The following CTBP2 variants were observed in gnomAD, a reference collection of about 807,000 sequenced individuals.
CTBP2 encodes C-terminal binding protein 2, also known as C-terminal-binding protein 2.
CTBP2 carries 30 observed loss-of-function variants against 80.3 expected under a neutral mutation model. The ratio of observed to expected loss-of-function variants is 0.37; its 90% CI spans 0.28 to 0.51. CTBP2 has a LOEUF of 0.51. CTBP2 is among the 20% of genes least tolerant of loss of function. CTBP2 has a pLI of 0.93. For missense variants in CTBP2, 1,212 were observed against 1,375.3 expected (o/e 0.88, Z 1.88); for synonymous variants, 594 against 587.4 (o/e 1.01, Z -0.16).
intron 2 of CTBP2, among the ~76,000 whole-genome samples, chr10:125,101,231 C>A (rs1442732760): frequency 6.6e-6 from 1 of 152,228 alleles, no homozygotes; most frequent in Non-Finnish European, 1.5e-5. Flanking sequence ...TGTGAAGTGG[C>A]CGTGTTCCCG....
At chr10:125,091,827 T>A (rs1291000974) in intron 2 of CTBP2, among the ~76,000 whole-genome samples, 2 of 150,180 alleles carry the variant, frequency 1.3e-5, no homozygotes. Flanking sequence ...GGAGGAGGAG[T>A]GGGTATGGAA....
chr10:125,027,534 A>G lies in CTBP2; in HGVS notation c.226T>C (p.Tyr76His). 1 of 1,614,076 alleles carries G rather than the reference A, an allele frequency of 6.2e-7. No individual in the cohort carries two copies. The highest frequency in any genetic ancestry group is 2.2e-5 in the East Asian group (1 of 44,862). Residue 76 changes from tyrosine to histidine, a missense_variant, in exon 1 of 9, where the codon TAT (tyrosine) becomes CAT (histidine). By Grantham distance (83) the Tyr-to-His change is moderately conservative. Around this residue, in one of 3 missense-constraint regions of CTBP2, gnomAD observed 848 missense variants for 782.3 expected, o/e 1.08. Coordinates refer to ENST00000309035, the MANE Select transcript of CTBP2 (RefSeq NM_022802.3). ...CCCTTTCTTGCAGCCACTGAGTTAT[A>G]AACGGCCTCCCGGTACAGGTAGGGC...
At chr10:125,054,794 A>C (rs1427573046) in intron 2 of CTBP2, among the ~76,000 whole-genome samples, 2 of 152,216 alleles carry the variant, frequency 1.3e-5, no homozygotes, top group Admixed American at 6.5e-5. Context: ...ACTAACAAAA[A>C]ACAAGCGAAA....
rs1381744375 is a variant in CTBP2 at position 125,146,411 on chromosome 10, G to T, written c.-206+13908C>A. 2.6e-5 allele frequency among the ~76,000 whole-genome samples: 4 copies of T among 150,968 alleles called. No homozygotes were observed. In the East Asian group the frequency reaches 7.8e-4, roughly 30 times the overall value. Reference sequence around the variant, plus strand: ...TTCTCCTGCCTCAGACTCCCAAATAGCTAGGATTACAGGTGCGCGCCACCA... The same window carrying T: ...TTCTCCTGCCTCAGACTCCCAAATATCTAGGATTACAGGTGCGCGCCACCA... On this transcript the variant is annotated intron_variant, in intron 1 of 10. Coordinates refer to the CTBP2 transcript ENST00000337195.
At chr10:124,997,684 G>A (rs926162153) in intron 4 of CTBP2, 80 of 507,510 alleles carry the variant, frequency 1.6e-4, no homozygotes, top group South Asian at 9.5e-5. Flanking sequence ...TGGGCACAGC[G>A]CCTTGCCCGC....
intron 3 of CTBP2, chr10:125,001,221 G>C (rs915292508): frequency 6.6e-6 from 1 of 152,296 alleles, no homozygotes; most frequent in African/African-American, 2.4e-5. Context: ...GGAAAGCAGC[G>C]TCTGGTCCAG....
intron 1 of CTBP2, among the ~76,000 whole-genome samples, chr10:125,010,265 G>T (rs1302801502): frequency 6.8e-6 from 1 of 147,146 alleles, no homozygotes; most frequent in African/African-American, 2.5e-5. Context: ...GGAAATCTCA[G>T]CTTTGTTTCT....
At chr10:125,031,604 G>C (rs572184414), upstream of CTBP2, among the ~76,000 whole-genome samples, 32 of 152,000 alleles carry the variant, frequency 2.1e-4, no homozygotes, top group Admixed American at 2.1e-3. Flanking sequence ...AAGGGTGGGA[G>C]GCCACACCAA....
upstream of CTBP2, among the ~76,000 whole-genome samples, chr10:125,029,574 A>G (rs1957978279): frequency 6.6e-6 from 1 of 152,174 alleles, no homozygotes; most frequent in African/African-American, 2.4e-5. Flanking sequence ...CCTCAGGATT[A>G]AGCCACCTTG....
At chr10:125,160,321 C>T (rs1861733995) in exon 1 of CTBP2, 1 of 151,836 alleles carries the variant, frequency 6.6e-6, no homozygotes, top group Non-Finnish European at 1.5e-5. Context: ...CCCCTTACCT[C>T]GTCCCGGACG....
intron 2 of CTBP2, among the ~76,000 whole-genome samples, chr10:125,103,680 C>T (rs926603634): frequency 2.6e-5 from 4 of 152,126 alleles, no homozygotes; most frequent in East Asian, 1.9e-4. Flanking sequence ...TCTCCTAGGA[C>T]GCAGGCCCCA....
intron 1 of CTBP2, among the ~76,000 whole-genome samples, chr10:125,115,828 A>C (rs1853160464): frequency 8.1e-6 from 1 of 124,214 alleles, no homozygotes; most frequent in Admixed American, 7.7e-5. Flanking sequence ...CTGTGCTCAG[A>C]AAAGAGGGAT....
chr10:125,089,410 G>T (rs976906678), intron 2 of CTBP2, among the ~76,000 whole-genome samples: 1 of 152,204 alleles, frequency 6.6e-6, no homozygotes, highest in Admixed American at 6.5e-5. Context: ...TTGAACTTCC[G>T]AAGTCACGGT....
intron 1 of CTBP2, among the ~76,000 whole-genome samples, chr10:125,137,185 C>A (rs1484212882): frequency 6.6e-6 from 1 of 152,160 alleles, no homozygotes; most frequent in East Asian, 1.9e-4. Flanking sequence ...GGAGAAGAGA[C>A]AAAGAAATCA....
intron 2 of CTBP2, among the ~76,000 whole-genome samples, chr10:125,100,416 T>C (rs1242900456): frequency 6.6e-6 from 1 of 152,182 alleles, no homozygotes; most frequent in African/African-American, 2.4e-5. Flanking sequence ...GTTCCGCTCA[T>C]TTCCTAGGTA....
chr10:124,994,669 C>T lies in CTBP2; in HGVS notation c.2200G>A (p.Ala734Thr), dbSNP rs1331220290. The T allele has an allele frequency of 6.2e-7, 1 of 1,614,228 alleles. No individual in the cohort carries two copies. Among genetic ancestry groups the T allele is most frequent in the South Asian group, 1.1e-5 (1 of 91,088 alleles). The change falls in exon 5 of 9, where the codon GCG becomes ACG. Residue 734 changes from alanine to threonine, a missense_variant. Ala to Thr is a moderately conservative substitution (Grantham distance 58). Transcript: ENST00000309035. ...AAGGCCTTGGCTCGAACTGCAACCG[C>T]CTGCCCCGTGCGACCTGTACAGAAA...
chr10:125,087,075 C>CTT (rs564770474), intron 2 of CTBP2, among the ~76,000 whole-genome samples: 2,266 of 136,520 alleles, frequency 0.017, 70 homozygotes, highest in East Asian at 0.13. Context: ...CAATTTCTTT[C>CTT]TTTTTTTTTT....
chr10:125,062,475 G>A (rs1220478942), intron 2 of CTBP2, among the ~76,000 whole-genome samples: 1 of 152,158 alleles, frequency 6.6e-6, no homozygotes, highest in Admixed American at 6.5e-5. Context: ...AGGCTGCGGG[G>A]AGGTTCTGGG....
At chr10:125,161,715 A>T (rs1210570965), upstream of CTBP2, among the ~76,000 whole-genome samples, 14 of 143,128 alleles carry the variant, frequency 9.8e-5, no homozygotes, top group East Asian at 2.9e-3. Context: ...TTACACATTG[A>T]AAAAAAAAAA....
Sources: gnomAD v4.1 joint callset for allele counts (sites outside exome capture counted in the v4.1 genomes callset) on GRCh38, gnomAD v4.1.1 for gene constraint, gnomAD v4.1.1 regional missense constraint, MANE v1.5 for transcripts, NCBI Gene and HGNC (gene_info 2026-07-23, HGNC 2026-07-21) for gene names.